The following GRIA2 variants were observed in gnomAD, a reference collection of about 807,000 sequenced individuals.
GRIA2 encodes the protein glutamate receptor 2.
Under a neutral mutation model 97.3 loss-of-function variants are expected in GRIA2, and 14 were observed. The observed-to-expected ratio is 0.14, with a 90% confidence interval of 0.10 to 0.23. The LOEUF (loss-of-function observed/expected upper bound fraction) is 0.23, where lower values mean the gene tolerates loss of function less well. GRIA2 is among the 10% of genes least tolerant of loss of function. The probability of loss-of-function intolerance (pLI) is 1.00; values close to 1 mark genes in which losing one functional copy is unlikely to be tolerated. For synonymous variants in GRIA2, 412 were observed against 387.8 expected, an observed-to-expected ratio of 1.06 and a Z score of -0.73; for missense variants, 558 against 1,069.8, an observed-to-expected ratio of 0.52 and a Z score of 6.67.
intron 11 of GRIA2, among the ~76,000 whole-genome samples, chr4:157,338,096 T>G (rs576443179): frequency 6.8e-6 from 1 of 147,624 alleles, no homozygotes; most frequent in East Asian, 2.0e-4. Flanking sequence ...AGATTCATAG[T>G]TTTATCATCT....
At chr4:157,266,000 G>T (rs1438680357) in intron 2 of GRIA2, among the ~76,000 whole-genome samples, 1 of 152,116 alleles carries the variant, frequency 6.6e-6, no homozygotes, top group Non-Finnish European at 1.5e-5. Context: ...TATTTGAGAA[G>T]CCATGGTGAC....
intron 2 of GRIA2, among the ~76,000 whole-genome samples, chr4:157,247,875 C>G (rs1730801136): frequency 1.3e-5 from 2 of 152,162 alleles, no homozygotes; most frequent in Admixed American, 1.3e-4. Context: ...AGCATCAACA[C>G]TTTTCTGGAA....
intron 2 of GRIA2, among the ~76,000 whole-genome samples, chr4:157,262,726 T>G (rs528373328): frequency 4.6e-5 from 7 of 152,192 alleles, no homozygotes; most frequent in Non-Finnish European, 7.4e-5. Flanking sequence ...AGAGACACAG[T>G]GTACTCCTTT....
chr4:157,310,405 A>G (rs1188035258), intron 3 of GRIA2, among the ~76,000 whole-genome samples: 1 of 152,104 alleles, frequency 6.6e-6, no homozygotes, highest in African/African-American at 2.4e-5. Flanking sequence ...AAAATAAATT[A>G]TTTTTAATGT....
chr4:157,279,890 C>T (rs549924120), intron 2 of GRIA2, among the ~76,000 whole-genome samples: 6 of 152,186 alleles, frequency 3.9e-5, no homozygotes, highest in African/African-American at 1.4e-4. Flanking sequence ...TTTGGGAGGC[C>T]AAGGCGGGTG....
At chr4:157,225,913 A>G (rs1218298378) in intron 2 of GRIA2, among the ~76,000 whole-genome samples, 1 of 152,006 alleles carries the variant, frequency 6.6e-6, no homozygotes, top group Non-Finnish European at 1.5e-5. Flanking sequence ...AATACTAAGT[A>G]TTTTTACATT....
At chr4:157,250,595 C>T (rs906818756) in intron 2 of GRIA2, among the ~76,000 whole-genome samples, 9 of 151,856 alleles carry the variant, frequency 5.9e-5, no homozygotes, top group Non-Finnish European at 1.0e-4. Context: ...TTAAAGTTCA[C>T]GAGATACAGA....
chr4:157,268,899 T>C (rs1015806032), intron 2 of GRIA2, among the ~76,000 whole-genome samples: 1 of 152,066 alleles, frequency 6.6e-6, no homozygotes, highest in African/African-American at 2.4e-5. Flanking sequence ...CTTTTCTCTT[T>C]TTGAATTTAG....
intron 2 of GRIA2, among the ~76,000 whole-genome samples, chr4:157,300,269 G>A (rs1733557763): frequency 6.6e-6 from 1 of 152,090 alleles, no homozygotes; most frequent in Non-Finnish European, 1.5e-5. Flanking sequence ...GTGTCAGTAG[G>A]TTATGCTGCC....
At chr4:157,265,014 AG>A (rs748574959) in intron 2 of GRIA2, among the ~76,000 whole-genome samples, 3 of 152,146 alleles carry the variant, frequency 2.0e-5, no homozygotes, top group Non-Finnish European at 4.4e-5. Flanking sequence ...AGTAAATAAA[AG>A]AGGCATAATT....
intron 3 of GRIA2, 128 bp from the exon 4 acceptor site, chr4:157,312,551 A>G (rs1011667434): frequency 2.7e-5 from 14 of 519,984 alleles, no homozygotes; most frequent in Non-Finnish European, 4.3e-5. Context: ...GCTTTTTTTG[A>G]AGGAGTCAAC....
chr4:157,341,703 A>G (rs771113956), intron 12 of GRIA2, among the ~76,000 whole-genome samples: 1 of 152,174 alleles, frequency 6.6e-6, no homozygotes, highest in Non-Finnish European at 1.5e-5. Context: ...TCTGTTTTAC[A>G]AAAATTGATT....
At chr4:157,231,997 A>G (rs1730041250) in intron 2 of GRIA2, among the ~76,000 whole-genome samples, 1 of 152,208 alleles carries the variant, frequency 6.6e-6, no homozygotes, top group Non-Finnish European at 1.5e-5. Context: ...AACTATTCAA[A>G]AGTTATTCAA....
chr4:157,254,386 CAATTTATGTCATAGAAGATAG>C (rs1269441833), intron 2 of GRIA2, among the ~76,000 whole-genome samples: 1 of 151,856 alleles, frequency 6.6e-6, no homozygotes, highest in African/African-American at 2.4e-5. Flanking sequence ...AACTCAAAAC[CAATTTATGTCATAGAAGATAG>C]AGTTAACCCA....
intron 2 of GRIA2, among the ~76,000 whole-genome samples, chr4:157,273,117 A>G (rs538156131): frequency 6.6e-6 from 1 of 152,208 alleles, no homozygotes; most frequent in East Asian, 1.9e-4. Flanking sequence ...TTTACATAGC[A>G]TTTTTATTAT....
Position 157,335,754 on chromosome 4 carries a change from T to G in GRIA2, c.1350T>G (p.Ala450=). The change falls in exon 10 of 16, where the codon GCT becomes GCG. Residue 450 remains alanine (A), a synonymous_variant. Transcript: ENST00000264426. ...ERYEGYCVDL[A]AEIAKHCGFK... ...ATGAGGGCTACTGTGTTGACCTGGCTGCAGAAATCGCCAAACATTGTGGGT... is the reference window on the plus strand; with the variant it reads ...ATGAGGGCTACTGTGTTGACCTGGCGGCAGAAATCGCCAAACATTGTGGGT... 6.2e-7 allele frequency: 1 copy of G among 1,612,632 alleles called. No individual in the cohort carries two copies. The highest frequency in any genetic ancestry group is 8.5e-7 in the Non-Finnish European group (1 of 1,178,910).
At chr4:157,318,731 A>G (rs1308495317) in intron 5 of GRIA2, among the ~76,000 whole-genome samples, 1 of 152,164 alleles carries the variant, frequency 6.6e-6, no homozygotes, top group Non-Finnish European at 1.5e-5. Context: ...GTGATTCAGG[A>G]TCACTATACC....
chr4:157,243,924 A>T (rs1730615915), intron 2 of GRIA2, among the ~76,000 whole-genome samples: 1 of 152,030 alleles, frequency 6.6e-6, no homozygotes, highest in Admixed American at 6.6e-5. Flanking sequence ...GATAATAAAC[A>T]AATAGAAAAA....
intron 2 of GRIA2, among the ~76,000 whole-genome samples, chr4:157,294,837 A>G (rs1353216572): frequency 6.6e-6 from 1 of 152,114 alleles, no homozygotes; most frequent in African/African-American, 2.4e-5. Context: ...TTTATCCACA[A>G]TATTCAAATT....
Sources: allele counts gnomAD v4.1 joint callset (sites outside exome capture counted in the v4.1 genomes callset), GRCh38; gene constraint gnomAD v4.1.1; transcripts MANE v1.5; gene names NCBI Gene and HGNC (gene_info 2026-07-23, HGNC 2026-07-21).